Variants in SLC4A9 observed in about 807,000 individuals in gnomAD.
SLC4A9 encodes solute carrier family 4 member 9.
SLC4A9 carries 102 observed loss-of-function variants against 103.2 expected under a neutral mutation model. The ratio of observed to expected loss-of-function variants is 0.99; its 90% CI spans 0.84 to 1.17. The LOEUF (loss-of-function observed/expected upper bound fraction) is 1.17, where lower values mean the gene tolerates loss of function less well. Among genes scored for constraint, SLC4A9 ranks in the 50% most tolerant of loss-of-function variants. The probability of loss-of-function intolerance (pLI) is 0.00; values close to 1 mark genes in which losing one functional copy is unlikely to be tolerated. For synonymous variants in SLC4A9, 453 were observed against 483.6 expected (o/e 0.94, Z 0.83); for missense variants, 1,091 against 1,193.7 (o/e 0.91, Z 1.27).
intron 18 of SLC4A9, 42 bp downstream of exon 18, chr5:140,371,205 T>G (rs1768670708): frequency 6.4e-7 from 1 of 1,573,746 alleles, no homozygotes; most frequent in Non-Finnish European, 8.6e-7. Context: ...AAAAGAAGAA[T>G]AAAAAGACAA....
At position 140,372,314 on chromosome 5, in the gene SLC4A9, G is replaced by A. The variant is rs181215246; in HGVS notation, c.2743G>A (p.Glu915Lys). Residue 915 changes from glutamate (E) to lysine (K), a missense_variant, in exon 20 of 22, where the codon GAG becomes AAG. Transcript: ENST00000506757. ...FSPQELLWLDELMPEEERSIP... is the reference protein window; with the variant it reads ...FSPQELLWLDKLMPEEERSIP... ...ACCACAGGAACTCCTCTGGCTGGAT[G>A]AGCTGATGCCAGAGGAGGAGAGAAG... 3.5e-4 allele frequency: 566 copies of A among 1,609,818 alleles called. 1 individual carries two copies. The highest frequency in any genetic ancestry group is 9.6e-4 in the Admixed American group (56 of 58,476).
At chr5:140,364,739 CAAT>C (rs1767637552) in intron 11 of SLC4A9, 114 bp downstream of exon 11, 1 of 1,246,278 alleles carries the variant, frequency 8.0e-7, no homozygotes, top group Admixed American at 2.4e-5. Context: ...CATACTTACC[CAAT>C]AACTGGCAGT....
At chr5:140,365,458 A>C in intron 11 of SLC4A9, 62 bp from the exon 12 acceptor site, 1 of 1,474,648 alleles carries the variant, frequency 6.8e-7, no homozygotes, top group Non-Finnish European at 9.3e-7. Flanking sequence ...TAAGAATTTT[A>C]TGGGGCTGGA....
chr5:140,367,491 T>C lies in SLC4A9; in HGVS notation c.2085T>C (p.Ala695=). 5 of 1,603,894 alleles carry C rather than the reference T, an allele frequency of 3.1e-6. No homozygotes were observed. Among genetic ancestry groups the C allele is most frequent in the Non-Finnish European group, 4.3e-6 (5 of 1,175,894 alleles). ...GANPWWWSVA[A]ALPALLLSIL... The stretch of plus-strand genomic sequence containing the variant: ...ACCCCTGGTGGTGGAGTGTGGCAGC[T>C]GCCCTGCCTGCCCTGCTGCTGTCTA... Residue 695 remains alanine, a synonymous_variant, in exon 15 of 22, where the codon GCT becomes GCC. Coordinates refer to ENST00000506757, the MANE Select transcript of SLC4A9 (RefSeq NM_031467.3).
chr5:140,368,800 A>G (rs1768282056), intron 17 of SLC4A9, 141 bp downstream of exon 17: 1 of 629,916 alleles, frequency 1.6e-6, no homozygotes, highest in Non-Finnish European at 2.7e-6. Context: ...TAATCCTCAC[A>G]TTAACCCTGA....
chr5:140,361,033 C>A, intron 2 of SLC4A9, 61 bp downstream of exon 2: 1 of 1,446,894 alleles, frequency 6.9e-7, no homozygotes, highest in South Asian at 1.4e-5. Flanking sequence ...CAGGATTTCC[C>A]CTCCAAAGTC....
rs191599558 is a variant in SLC4A9 at position 140,371,288 on chromosome 5, G to A, written c.2496+125G>A. ...CTGCTGGCATCTCCTGCTTACACTT[G>A]CCAATTTCCCTCTTACTCTCTTTTT... On this transcript the variant is annotated intron_variant, in intron 18 of 21. Transcript: ENST00000506757. 2.0e-4 allele frequency: 273 copies of A among 1,386,690 alleles called. 1 individual carries two copies. The African/African-American group carries it at 3.0e-3, about 15-fold the overall frequency. The allele number at this position is 1,386,690 out of a possible 1,614,324, so 85.9% of individuals were successfully genotyped here.
chr5:140,365,377 A>G (rs1767722889), intron 11 of SLC4A9, 143 bp from the exon 12 acceptor site: 3 of 678,536 alleles, frequency 4.4e-6, no homozygotes, highest in Non-Finnish European at 7.8e-6. Context: ...CTTCTCGCAC[A>G]CTTGGTAGTG....
At position 140,367,452 on chromosome 5, in the gene SLC4A9, A is replaced by G. The variant is rs1367063391; in HGVS notation, c.2046A>G (p.Ser682=). 1 of 1,610,438 alleles carries G rather than the reference A, an allele frequency of 6.2e-7. No homozygotes were observed. The highest frequency in any genetic ancestry group is 1.3e-5 in the African/African-American group (1 of 74,928). ...PTLPGRGWLV[S]PFGANPWWWS... ...TCCCTGGGCGTGGCTGGCTGGTGTCACCTTTTGGAGCCAACCCCTGGTGGT... is the reference window on the plus strand; with the variant it reads ...TCCCTGGGCGTGGCTGGCTGGTGTCGCCTTTTGGAGCCAACCCCTGGTGGT... The change falls in exon 15 of 22, where the codon TCA becomes TCG. Residue 682 remains serine (S), a synonymous_variant. Transcript: ENST00000506757.
rs1313082330 is a variant in SLC4A9, at chr5:140,360,244, T to C, written c.8T>C (p.Met3Thr). Residue 3 changes from methionine (M) to threonine (T), a missense_variant, in exon 1 of 22, where the codon ATG (methionine) becomes ACG (threonine). Physicochemically the swap from Met to Thr is moderately conservative, Grantham distance 81. Transcript: ENST00000506757. ...AGATTCTGTGCAAGCCTCATGGAAA[T>C]GAAGCTGCCAGGCCAGGAAGGGTTT... ME[M>T]KLPGQEGFEA... The C allele has an allele frequency of 1.9e-6, 3 of 1,610,628 alleles. No homozygotes were observed. Among genetic ancestry groups the C allele is most frequent in the South Asian group, 1.1e-5 (1 of 90,302 alleles).
intron 1 of SLC4A9, 143 bp downstream of exon 1, chr5:140,360,609 C>T: frequency 8.9e-7 from 1 of 1,119,160 alleles, no homozygotes; most frequent in Non-Finnish European, 1.3e-6. Flanking sequence ...TCTTACCTTC[C>T]ATGATGCCCA....
At chr5:140,366,398 A>C in intron 14 of SLC4A9, 134 bp downstream of exon 14, 28 of 638,138 alleles carry the variant, frequency 4.4e-5, no homozygotes, top group East Asian at 8.6e-5. Context: ...AGTAATAATA[A>C]TGGCCTCACA....
At position 140,363,514 on chromosome 5, in the gene SLC4A9, T is replaced by C. The variant is rs1767417906; in HGVS notation, c.1038T>C (p.His346=). 2 of 1,552,168 alleles carry C rather than the reference T, an allele frequency of 1.3e-6. No individual in the cohort carries two copies. Among genetic ancestry groups the C allele is most frequent in the South Asian group, 1.2e-5 (1 of 84,144 alleles). ...RLTSAEDRHR[H]GPHAHSPELQ... is the part of the protein sequence containing the mutation. ...CCTCGGCTGAGGACAGGCACCGCCA[T>C]GGGCCACACGCACACAGCCCGGAGT... The change falls in exon 8 of 22, where the codon CAT becomes CAC. Residue 346 remains histidine, a synonymous_variant. Coordinates refer to ENST00000506757, the MANE Select transcript of SLC4A9 (RefSeq NM_031467.3). The surrounding 1 kb of genome is among the most constrained non-coding windows in gnomAD (Gnocchi z 4.5).
chr5:140,369,775 G>T, intron 17 of SLC4A9, among the ~76,000 whole-genome samples: 1 of 152,084 alleles, frequency 6.6e-6, no homozygotes, highest in Non-Finnish European at 1.5e-5. Context: ...GCCGAGGTGG[G>T]CGGATTGCTT....
At chr5:140,370,895 A>T (rs1379614546) in intron 17 of SLC4A9, 200 bp from the exon 18 acceptor site, 1 of 555,868 alleles carries the variant, frequency 1.8e-6, no homozygotes, top group African/African-American at 1.9e-5. Flanking sequence ...AATCTGTAAA[A>T]TGAAGGCAAT....
Position 140,367,569 on chromosome 5 carries a change from A to G in SLC4A9, c.2163A>G (p.Glu721=), listed in dbSNP as rs1768074633. 6.2e-7 allele frequency: 1 copy of G among 1,603,718 alleles called. No individual in the cohort carries two copies. Among genetic ancestry groups the G allele is most frequent in the Non-Finnish European group, 8.5e-7 (1 of 1,175,272 alleles). ...CAGCAGTCATCCTCAACCGCATGGAATACAGACTGCAGGTAAGGCCTGCTG... is the reference window on the plus strand; with the variant it reads ...CAGCAGTCATCCTCAACCGCATGGAGTACAGACTGCAGGTAAGGCCTGCTG... ...QITAVILNRM[E]YRLQKGAGFH... Residue 721 remains glutamate, a synonymous_variant, in exon 15 of 22, where the codon GAA becomes GAG. Transcript: ENST00000506757.
chr5:140,371,132 A>T lies in SLC4A9; in HGVS notation c.2465A>T (p.Tyr822Phe), dbSNP rs771225640. ...PMPVLYGIFL[Y>F]MGVAALSSIQ... The stretch of plus-strand genomic sequence containing the variant: ...CCTGTGCTCTATGGCATCTTCCTGT[A>T]TATGGGGGTGGCAGCGCTCAGCAGC... The change falls in exon 18 of 22, where the codon TAT becomes TTT. Residue 822 changes from tyrosine (Y) to phenylalanine (F), a missense_variant. Transcript: ENST00000506757. 1 of 1,612,500 alleles carries T rather than the reference A, an allele frequency of 6.2e-7. No individual in the cohort carries two copies. Among genetic ancestry groups the T allele is most frequent in the African/African-American group, 1.3e-5 (1 of 75,040 alleles).
chr5:140,361,391 G>A (rs1581129704), intron 3 of SLC4A9, 24 bp downstream of exon 3: 1 of 1,535,806 alleles, frequency 6.5e-7, no homozygotes, highest in African/African-American at 1.4e-5. Context: ...CCTGGGCCCA[G>A]GACCAAGACC....
At position 140,361,014 on chromosome 5, in the gene SLC4A9, C is replaced by A. The variant is rs192757128; in HGVS notation, c.391+42C>A. 1.6e-4 allele frequency: 232 copies of A among 1,494,436 alleles called. 1 individual carries two copies. The African/African-American group carries it at 3.0e-3, about 19-fold the overall frequency. The allele number at this position is 1,494,436 out of a possible 1,614,324, so 92.6% of individuals were successfully genotyped here. On this transcript the variant is annotated intron_variant, in intron 2 of 21. Transcript: ENST00000506757. ...TGCAGGAAGGGCCTGGGTAGCCATGCCTTTTCCCCAGGATTTCCCCTCCAA... is the reference window on the plus strand; with the variant it reads ...TGCAGGAAGGGCCTGGGTAGCCATGACTTTTCCCCAGGATTTCCCCTCCAA...
Sources: gnomAD v4.1 joint callset for allele counts (sites outside exome capture counted in the v4.1 genomes callset) on GRCh38, gnomAD v4.1.1 for gene constraint, Gnocchi (gnomAD v3.1) non-coding constraint, MANE v1.5 for transcripts, NCBI Gene and HGNC (gene_info 2026-07-23, HGNC 2026-07-21) for gene names.